Variants in AFG2A observed in about 807,000 individuals in gnomAD.
AFG2A encodes the protein AAA ATPase AFG2A.
At chr4:123,004,142 G>A in the AFG2A span, among the ~76,000 whole-genome samples, 17 of 152,310 alleles carry the variant, frequency 1.1e-4, no homozygotes, top group African/African-American at 3.1e-4. Context: ...CTGGTGCGCC[G>A]TTTCCTAAGC....
At chr4:123,196,252 G>A in the AFG2A span, among the ~76,000 whole-genome samples, 26 of 139,710 alleles carry the variant, frequency 1.9e-4, no homozygotes, top group East Asian at 3.8e-3. Context: ...CTCGTGATCC[G>A]CCCACCTTGG....
chr4:122,946,756 A>G, the AFG2A span, among the ~76,000 whole-genome samples: 2,081 of 152,300 alleles, frequency 0.014, 49 homozygotes, highest in African/African-American at 0.047. Flanking sequence ...TCCATATTAA[A>G]AAAACTAGTC....
chr4:123,072,328 T>A, the AFG2A span, among the ~76,000 whole-genome samples: 1 of 152,160 alleles, frequency 6.6e-6, no homozygotes, highest in African/African-American at 2.4e-5. Flanking sequence ...TAGATAATCT[T>A]CATAATTACT....
chr4:123,295,530 C>T, the AFG2A span, among the ~76,000 whole-genome samples: 2 of 152,186 alleles, frequency 1.3e-5, no homozygotes, highest in African/African-American at 2.4e-5. Flanking sequence ...TCTATATAGC[C>T]GTGAAGTTGT....
the AFG2A span, among the ~76,000 whole-genome samples, chr4:123,172,463 C>T: frequency 3.3e-5 from 5 of 152,160 alleles, no homozygotes; most frequent in Non-Finnish European, 7.4e-5. Context: ...TCCCTAATAA[C>T]GTTTTACATC....
the AFG2A span, among the ~76,000 whole-genome samples, chr4:123,269,522 C>T: frequency 1.3e-5 from 2 of 152,160 alleles, no homozygotes; most frequent in African/African-American, 2.4e-5. Context: ...CAAGTTTGCA[C>T]CTATCTGAAT....
chr4:122,943,058 T>A, the AFG2A span, among the ~76,000 whole-genome samples: 3 of 152,190 alleles, frequency 2.0e-5, no homozygotes, highest in East Asian at 3.8e-4. Context: ...CTTCCAACTA[T>A]GTGGTCAATT....
the AFG2A span, among the ~76,000 whole-genome samples, chr4:122,994,989 T>C: frequency 6.6e-6 from 1 of 152,150 alleles, no homozygotes; most frequent in Non-Finnish European, 1.5e-5. Flanking sequence ...AACATCAGAA[T>C]GTGACAGTCA....
At chr4:123,197,770 A>AAAATAAATAAATAAATAAAT in the AFG2A span, among the ~76,000 whole-genome samples, 29 of 149,510 alleles carry the variant, frequency 1.9e-4, no homozygotes, top group African/African-American at 6.6e-4. Context: ...TCCATCTCAA[A>AAAATAAATAAATAAATAAAT]AAATAAATAA....
At chr4:123,122,817 G>A in the AFG2A span, among the ~76,000 whole-genome samples, 2 of 149,106 alleles carry the variant, frequency 1.3e-5, no homozygotes, top group East Asian at 3.9e-4. Context: ...GTTGTGGATA[G>A]TATTTGGAAA....
chr4:123,018,116 GT>G, the AFG2A span, among the ~76,000 whole-genome samples: 4 of 151,852 alleles, frequency 2.6e-5, no homozygotes, highest in Non-Finnish European at 5.9e-5. Flanking sequence ...GTTTTATTTT[GT>G]TTTGGGGTGT....
chr4:123,250,694 GTTTGTTCTATGA>G, the AFG2A span, among the ~76,000 whole-genome samples: 47 of 152,162 alleles, frequency 3.1e-4, no homozygotes, highest in Non-Finnish European at 1.3e-4. Flanking sequence ...CAGAAAGGGA[GTTTGTTCTATGA>G]TTTGTGTTTT....
chr4:123,285,118 C>T, the AFG2A span, among the ~76,000 whole-genome samples: 2 of 152,008 alleles, frequency 1.3e-5, no homozygotes, highest in African/African-American at 4.8e-5. Context: ...ATGGGCTTTC[C>T]CTCCCTCTGC....
chr4:122,999,201 G>T, the AFG2A span, among the ~76,000 whole-genome samples: 1 of 149,988 alleles, frequency 6.7e-6, no homozygotes, highest in Admixed American at 6.7e-5. Flanking sequence ...GTAGATTCTG[G>T]ATATTAGCCC....
At chr4:123,003,244 G>A in the AFG2A span, among the ~76,000 whole-genome samples, 4 of 152,108 alleles carry the variant, frequency 2.6e-5, no homozygotes, top group African/African-American at 9.7e-5. Flanking sequence ...TTTGCCTTTG[G>A]TTTGAATTTC....
the AFG2A span, among the ~76,000 whole-genome samples, chr4:123,107,680 A>G: frequency 6.6e-6 from 1 of 152,184 alleles, no homozygotes; most frequent in Non-Finnish European, 1.5e-5. Flanking sequence ...TGTGCCATCC[A>G]TGGCCCCCAG....
the AFG2A span, among the ~76,000 whole-genome samples, chr4:123,160,391 A>G: frequency 4.3e-3 from 649 of 152,242 alleles, 2 homozygotes; most frequent in Non-Finnish European, 7.1e-3. Context: ...TTATATTATA[A>G]TTTTTACATC....
chr4:123,103,149 C>T, the AFG2A span, among the ~76,000 whole-genome samples: 1 of 151,926 alleles, frequency 6.6e-6, no homozygotes, highest in Admixed American at 6.6e-5. Flanking sequence ...CCTTATTTAT[C>T]CAAAGAGCAG....
At chr4:122,935,767 A>G in the AFG2A span, 1 of 1,612,658 alleles carries the variant, frequency 6.2e-7, no homozygotes. Context: ...TACTGGAAAA[A>G]CAATGATCGC....
Sources: allele counts gnomAD v4.1 joint callset (sites outside exome capture counted in the v4.1 genomes callset), GRCh38; gene constraint gnomAD v4.1.1; transcripts MANE v1.5; gene names NCBI Gene and HGNC (gene_info 2026-07-23, HGNC 2026-07-21).